The following RELN variants were observed in gnomAD, a reference collection of about 807,000 sequenced individuals.
The protein encoded by RELN is reelin.
RELN carries 108 observed loss-of-function variants against 427.6 expected under a neutral mutation model. That is an observed-to-expected ratio of 0.25 (90% CI 0.22 to 0.30). The LOEUF is 0.30. RELN is among the 10% of genes least tolerant of loss of function. The pLI, the probability that RELN is intolerant of heterozygous loss-of-function variation, is 1.00. For synonymous variants in RELN, 1,524 were observed against 1,513.4 expected, an observed-to-expected ratio of 1.01 and a Z score of -0.16; for missense variants, 3,715 against 4,302.8, an observed-to-expected ratio of 0.86 and a Z score of 3.82.
At chr7:103,629,446 T>C (rs1584358344) in intron 20 of RELN, among the ~76,000 whole-genome samples, 1 of 152,274 alleles carries the variant, frequency 6.6e-6, no homozygotes, top group East Asian at 1.9e-4. Flanking sequence ...AAAGGAGATG[T>C]TAGTTAACCA....
At chr7:103,865,892 T>C (rs1021695520) in intron 2 of RELN, among the ~76,000 whole-genome samples, 1 of 152,120 alleles carries the variant, frequency 6.6e-6, no homozygotes, top group African/African-American at 2.4e-5. Context: ...CAGAAAGTAT[T>C]TATTGTGAAA....
chr7:103,551,202 G>C lies in RELN; in HGVS notation c.6167C>G (p.Pro2056Arg). 4.3e-6 allele frequency: 7 copies of C among 1,614,098 alleles called. No homozygotes were observed. The highest frequency in any genetic ancestry group is 5.9e-6 in the Non-Finnish European group (7 of 1,180,020). ...GTGGCTGCTGCTGTGGTAGCAGAGG[G>C]GCAGCAGAAGGTGCCAGGTCGCCCC... The part of the protein sequence containing the change: ...DFGATWHLLL[P>R]LCYHSSSHVS... The change falls in exon 41 of 65, where the codon CCC becomes CGC. Residue 2056 changes from proline (P) to arginine (R), a missense_variant. This residue lies in a region of RELN where 1,310 missense variants were observed against 1,643.0 expected (regional missense o/e 0.80). Coordinates refer to ENST00000428762, the MANE Select transcript of RELN (RefSeq NM_005045.4).
Position 103,515,286 on chromosome 7 carries a change from G to C in RELN, c.8018C>G (p.Thr2673Ser). ...CTGGGGTACTGGGGCGCTGCTGAAG[G>C]TGTCCAGCATAACGGTCCTTTGGTC... ...SADQRTVMLD[T>S]FSSAPVPQHE... The change falls in exon 50 of 65, where the codon ACC becomes AGC. Residue 2673 changes from threonine to serine, a missense_variant. Physicochemically the swap from Thr to Ser is moderately conservative, Grantham distance 58 (BLOSUM62 1). Coordinates refer to ENST00000428762, the MANE Select transcript of RELN (RefSeq NM_005045.4). 3 of 1,614,204 alleles carry C rather than the reference G, an allele frequency of 1.9e-6. No individual in the cohort carries two copies. The highest frequency in any genetic ancestry group is 2.5e-6 in the Non-Finnish European group (3 of 1,180,028).
chr7:103,541,704 TGATA>T (rs1226726630), intron 43 of RELN, among the ~76,000 whole-genome samples: 2 of 152,212 alleles, frequency 1.3e-5, no homozygotes, highest in Non-Finnish European at 2.9e-5. Context: ...ATTAACTTAG[TGATA>T]GATAAACCAT....
At chr7:103,642,476 T>A (rs2117366990) in intron 16 of RELN, among the ~76,000 whole-genome samples, 1 of 150,754 alleles carries the variant, frequency 6.6e-6, no homozygotes, top group African/African-American at 2.4e-5. Context: ...CATAGAATGA[T>A]AACAGAATTA....
At chr7:103,567,104 TTA>T (rs1830770999) in intron 31 of RELN, among the ~76,000 whole-genome samples, 1 of 152,262 alleles carries the variant, frequency 6.6e-6, no homozygotes, top group Non-Finnish European at 1.5e-5. Flanking sequence ...CATATCATTA[TTA>T]TATATTCAGA....
At chr7:103,570,281 A>G (rs950773759) in intron 31 of RELN, among the ~76,000 whole-genome samples, 1 of 152,192 alleles carries the variant, frequency 6.6e-6, no homozygotes, top group African/African-American at 2.4e-5. Context: ...TTTCTTTTCT[A>G]CCTTGCTCAG....
At chr7:103,945,194 G>T (rs1241278402) in intron 1 of RELN, among the ~76,000 whole-genome samples, 3 of 152,142 alleles carry the variant, frequency 2.0e-5, no homozygotes, top group Non-Finnish European at 1.5e-5. Flanking sequence ...CCTACAAGGG[G>T]AAAGAACAGC....
At chr7:103,775,411 T>C (rs540852309) in intron 4 of RELN, among the ~76,000 whole-genome samples, 5 of 152,326 alleles carry the variant, frequency 3.3e-5, no homozygotes, top group Non-Finnish European at 5.9e-5. Context: ...TTAATAATCA[T>C]TAAGCATCAC....
At chr7:103,572,715 A>AT (rs1368571199) in intron 30 of RELN, among the ~76,000 whole-genome samples, 1 of 151,366 alleles carries the variant, frequency 6.6e-6, no homozygotes, top group Non-Finnish European at 1.5e-5. Flanking sequence ...TTCCTTTTGT[A>AT]TTTTTAGTAG....
chr7:103,544,723 A>T (rs1830251928), intron 42 of RELN, among the ~76,000 whole-genome samples: 1 of 152,216 alleles, frequency 6.6e-6, no homozygotes, highest in Admixed American at 6.5e-5. Flanking sequence ...CTAGGTGTAA[A>T]ACTAAACTAT....
At chr7:103,946,833 A>G (rs1257174317) in intron 1 of RELN, among the ~76,000 whole-genome samples, 1 of 152,246 alleles carries the variant, frequency 6.6e-6, no homozygotes, top group African/African-American at 2.4e-5. Flanking sequence ...CATGATAAGC[A>G]GAAGTAAGCG....
intron 10 of RELN, among the ~76,000 whole-genome samples, chr7:103,694,476 T>TGAC (rs1281373326): frequency 6.6e-6 from 1 of 150,874 alleles, no homozygotes; most frequent in Non-Finnish European, 1.5e-5. Flanking sequence ...GAGATGATGA[T>TGAC]GATGATGATG....
chr7:103,798,656 C>T (rs980034328), intron 3 of RELN, among the ~76,000 whole-genome samples: 1 of 152,160 alleles, frequency 6.6e-6, no homozygotes, highest in Non-Finnish European at 1.5e-5. Context: ...AGACCCAGGA[C>T]CCCTTTCCCA....
chr7:103,495,344 T>C (rs1828807633), intron 57 of RELN, among the ~76,000 whole-genome samples: 1 of 152,040 alleles, frequency 6.6e-6, no homozygotes, highest in African/African-American at 2.4e-5. Context: ...TATTTTTTTA[T>C]AGAGACAAGG....
intron 2 of RELN, among the ~76,000 whole-genome samples, chr7:103,885,204 T>G (rs368891167): frequency 2.2e-4 from 34 of 152,050 alleles, no homozygotes; most frequent in African/African-American, 7.5e-4. Flanking sequence ...CCAGGCATGG[T>G]AGCGGGTGCC....
At chr7:103,844,527 G>A (rs1793629725) in intron 2 of RELN, among the ~76,000 whole-genome samples, 2 of 152,100 alleles carry the variant, frequency 1.3e-5, no homozygotes, top group African/African-American at 4.8e-5. Flanking sequence ...CCTAAGAAGT[G>A]TTATTATTAT....
At chr7:103,651,912 G>C (rs1832924572) in intron 14 of RELN, 123 bp from the exon 15 acceptor site, 3 of 1,013,900 alleles carry the variant, frequency 3.0e-6, no homozygotes, top group Non-Finnish European at 4.4e-6. Flanking sequence ...ATTTTTTAAA[G>C]ATGCTGTTTC....
intron 3 of RELN, among the ~76,000 whole-genome samples, chr7:103,818,717 C>T (rs1408531771): frequency 2.0e-5 from 3 of 151,898 alleles, no homozygotes; most frequent in Non-Finnish European, 4.4e-5. Context: ...ACTGATTAAA[C>T]AGATTATAAT....
Sources: gnomAD v4.1 joint callset for allele counts (sites outside exome capture counted in the v4.1 genomes callset) on GRCh38, gnomAD v4.1.1 for gene constraint, gnomAD v4.1.1 regional missense constraint, MANE v1.5 for transcripts, NCBI Gene and HGNC (gene_info 2026-07-23, HGNC 2026-07-21) for gene names.